SERPINB8: variants seen among roughly 807,000 people sequenced by gnomAD.
The protein encoded by SERPINB8 is serpin B8.
In SERPINB8, 25 loss-of-function variants were observed where a neutral mutation model predicts 35.3. The ratio of observed to expected loss-of-function variants is 0.71; its 90% CI spans 0.52 to 0.99. The LOEUF (loss-of-function observed/expected upper bound fraction) is 0.99, where lower values mean the gene tolerates loss of function less well. SERPINB8 is among the 50% of genes least tolerant of loss of function. SERPINB8 has a pLI of 0.00. For missense variants in SERPINB8, 484 were observed against 446.5 expected, an observed-to-expected ratio of 1.08 and a Z score of -0.76; for synonymous variants, 186 against 160.8, an observed-to-expected ratio of 1.16 and a Z score of -1.19.
At chr18:64,006,880 A>C (rs2144846369), downstream of SERPINB8, among the ~76,000 whole-genome samples, 1 of 152,312 alleles carries the variant, frequency 6.6e-6, no homozygotes, top group East Asian at 1.9e-4. Context: ...TCTGTATTAG[A>C]AAAAACAAGG....
chr18:64,003,458 G>A (rs1233402043), intron 1 of SERPINB8, among the ~76,000 whole-genome samples: 6 of 152,020 alleles, frequency 3.9e-5, no homozygotes, highest in South Asian at 2.1e-4. Context: ...CTTGAGCACC[G>A]GGGGGTATTA....
intron 6 of SERPINB8, 174 bp from the exon 7 acceptor site, chr18:63,986,700 G>T (rs1029066784): frequency 2.5e-5 from 36 of 1,414,128 alleles, no homozygotes; most frequent in Middle Eastern, 2.7e-4. Context: ...ACTGTGAAAA[G>T]ATGAAAATTT....
chr18:63,993,673 T>G (rs902158289), downstream of SERPINB8, among the ~76,000 whole-genome samples: 1 of 152,220 alleles, frequency 6.6e-6, no homozygotes, highest in African/African-American at 2.4e-5. Flanking sequence ...CTATAATTGT[T>G]GACAGGTCCA....
downstream of SERPINB8, among the ~76,000 whole-genome samples, chr18:64,007,459 G>A (rs367998366): frequency 7.9e-5 from 12 of 152,158 alleles, no homozygotes; most frequent in East Asian, 9.7e-4. Context: ...AAATAAAAGC[G>A]TACTCTTCAA....
downstream of SERPINB8, among the ~76,000 whole-genome samples, chr18:64,008,907 G>A (rs915492056): frequency 2.0e-5 from 3 of 152,120 alleles, no homozygotes; most frequent in Non-Finnish European, 2.9e-5. Flanking sequence ...AATCTGAGAC[G>A]TGGTTATAAT....
chr18:63,985,984 G>T (rs1246711705), intron 6 of SERPINB8, among the ~76,000 whole-genome samples: 3 of 152,134 alleles, frequency 2.0e-5, no homozygotes, highest in African/African-American at 7.2e-5. Flanking sequence ...AATTGATAGG[G>T]GTCAGCTCTG....
At chr18:64,016,443 G>GT (rs1455435835) in intron 7 of SERPINB8, among the ~76,000 whole-genome samples, 3 of 152,004 alleles carry the variant, frequency 2.0e-5, no homozygotes, top group Non-Finnish European at 4.4e-5. Context: ...TTTTTTGTTT[G>GT]TTTTTTATTT....
chr18:63,986,154 T>C (rs1039188843), intron 6 of SERPINB8: 2 of 966,102 alleles, frequency 2.1e-6, no homozygotes, highest in Non-Finnish European at 3.2e-6. Flanking sequence ...AAAACAATGC[T>C]CGTTGGAGAG....
At chr18:63,985,020 G>A in intron 5 of SERPINB8, 73 bp from the exon 6 acceptor site, 1 of 1,483,692 alleles carries the variant, frequency 6.7e-7, no homozygotes, top group Non-Finnish European at 9.3e-7. Flanking sequence ...TAGAGTTTCT[G>A]TGAGTTAGAT....
chr18:63,971,131 A>T (rs1453429225), intron 1 of SERPINB8, among the ~76,000 whole-genome samples: 1 of 151,712 alleles, frequency 6.6e-6, no homozygotes, highest in South Asian at 2.1e-4. Context: ...CTCCCAGCAC[A>T]CCCTGATGGC....
chr18:63,980,154 C>T (rs1002807772), intron 3 of SERPINB8, among the ~76,000 whole-genome samples: 1 of 152,128 alleles, frequency 6.6e-6, no homozygotes, highest in Admixed American at 6.5e-5. Context: ...TGTCAATTCT[C>T]CTGCACGCAG....
chr18:63,972,557 A>G (rs181036267), intron 1 of SERPINB8, among the ~76,000 whole-genome samples: 41 of 152,226 alleles, frequency 2.7e-4, no homozygotes, highest in Admixed American at 2.7e-3. Flanking sequence ...ATACATAGGT[A>G]TACATGAGCC....
At chr18:64,001,050 T>G (rs79328635) in intron 1 of SERPINB8, among the ~76,000 whole-genome samples, 5,386 of 152,340 alleles carry the variant, frequency 0.035, 333 homozygotes, top group African/African-American at 0.12. Context: ...CTCTGAGATA[T>G]ACTTTGTTAG....
At chr18:63,986,821 G>T in intron 6 of SERPINB8, 53 bp from the exon 7 acceptor site, 1 of 1,505,890 alleles carries the variant, frequency 6.6e-7, no homozygotes. Flanking sequence ...TGGGTGTGTG[G>T]GTATCAGGCT....
intron 6 of SERPINB8, 44 bp from the exon 7 acceptor site, chr18:63,986,830 C>T (rs746510537): frequency 2.6e-6 from 4 of 1,539,662 alleles, no homozygotes; most frequent in Non-Finnish European, 3.5e-6. Flanking sequence ...GGGTATCAGG[C>T]TATTGTCATC....
At chr18:64,013,064 A>G (rs115641760) in intron 7 of SERPINB8, among the ~76,000 whole-genome samples, 1,607 of 152,200 alleles carry the variant, frequency 0.011, 27 homozygotes, top group African/African-American at 0.036. Flanking sequence ...GCTTTTAAGA[A>G]TTACTTTCCA....
In SERPINB8 at chr18:63,985,091, AG is replaced by A; in HGVS notation, c.568del. Reference sequence around the variant, plus strand: ...GTAATCGAACTTTAATTTTTCCGTTAGGAAAAAAAGACAGTGCAGATGATGT... The same window carrying A: ...GTAATCGAACTTTAATTTTTCCGTTAGAAAAAAAGACAGTGCAGATGATGT... On this transcript the variant is annotated splice_acceptor_variant, in intron 5 of 6. Transcript: ENST00000397985. LOFTEE classifies it high-confidence loss of function. 1.2e-6 allele frequency: 2 copies of A among 1,612,544 alleles called. No individual in the cohort carries two copies. The highest frequency in any genetic ancestry group is 1.7e-6 in the Non-Finnish European group (2 of 1,179,260).
intron 1 of SERPINB8, among the ~76,000 whole-genome samples, chr18:63,995,291 A>T (rs1053120244): frequency 6.6e-6 from 1 of 152,222 alleles, no homozygotes; most frequent in Non-Finnish European, 1.5e-5. Flanking sequence ...CTCTGTCCCC[A>T]GGGATGACTA....
downstream of SERPINB8, among the ~76,000 whole-genome samples, chr18:63,993,992 A>G (rs2050836713): frequency 6.6e-6 from 1 of 152,094 alleles, no homozygotes; most frequent in South Asian, 2.1e-4. Context: ...AGCCTTGAAG[A>G]CACTCTCTTG....
Sources: allele counts gnomAD v4.1 joint callset (sites outside exome capture counted in the v4.1 genomes callset), GRCh38; gene constraint gnomAD v4.1.1; transcripts MANE v1.5; gene names NCBI Gene and HGNC (gene_info 2026-07-23, HGNC 2026-07-21).